The following DCT variants were observed in gnomAD, a reference collection of about 807,000 sequenced individuals.
DCT encodes the protein dopachrome tautomerase, also known as L-dopachrome tautomerase.
A neutral mutation model predicts 53.0 loss-of-function variants in DCT; 47 were observed. The observed-to-expected ratio is 0.89, with a 90% CI of 0.70 to 1.13. DCT has a LOEUF of 1.13. Among genes scored for constraint, DCT ranks in the 50% most tolerant of loss-of-function variants. The probability of loss-of-function intolerance (pLI) is 0.00; values close to 1 mark genes in which losing one functional copy is unlikely to be tolerated. For missense variants in DCT, 669 were observed against 637.4 expected, an observed-to-expected ratio of 1.05 and a Z score of -0.53; for synonymous variants, 244 against 237.0, an observed-to-expected ratio of 1.03 and a Z score of -0.27.
intron 6 of DCT, among the ~76,000 whole-genome samples, chr13:94,453,075 G>C (rs2139303552): frequency 6.6e-6 from 1 of 152,178 alleles, no homozygotes; most frequent in East Asian, 1.9e-4. Context: ...AATAAATTAA[G>C]TGATAATGGG....
At chr13:94,472,542 ATATATATATATATATATATATATATAT>A (rs1884748380) in intron 1 of DCT, among the ~76,000 whole-genome samples, 1 of 32,368 alleles carries the variant, frequency 3.1e-5, no homozygotes, top group African/African-American at 1.3e-4. Flanking sequence ...ATATATATAT[ATATATATATATATATATATATATATAT>A]TTTTTTTTTT....
the DCT span, among the ~76,000 whole-genome samples, chr13:94,527,329 A>G: frequency 6.6e-6 from 1 of 152,218 alleles, no homozygotes; most frequent in Admixed American, 6.5e-5. Flanking sequence ...TGCCTCCTCA[A>G]GTGGGTCCCT....
At chr13:94,448,837 G>C (rs1882897356) in intron 6 of DCT, among the ~76,000 whole-genome samples, 1 of 151,958 alleles carries the variant, frequency 6.6e-6, no homozygotes, top group East Asian at 1.9e-4. Flanking sequence ...TCGGGAGGTG[G>C]AGGCTGCAAT....
the DCT span, among the ~76,000 whole-genome samples, chr13:94,545,176 G>A: frequency 7.2e-5 from 11 of 152,098 alleles, no homozygotes; most frequent in Admixed American, 5.2e-4. Flanking sequence ...AGCACATCAC[G>A]CTTCAGATGA....
upstream of DCT, among the ~76,000 whole-genome samples, chr13:94,483,691 G>T (rs1226112781): frequency 6.6e-6 from 1 of 151,992 alleles, no homozygotes; most frequent in African/African-American, 2.4e-5. Context: ...CAGTAGAGAC[G>T]AAGTTTCACC....
the DCT span, among the ~76,000 whole-genome samples, chr13:94,535,374 T>C: frequency 1.3e-5 from 2 of 152,166 alleles, no homozygotes; most frequent in African/African-American, 2.4e-5. Flanking sequence ...GCATTATTGC[T>C]GTAAGTATCA....
rs529034525 is a variant in DCT, at chr13:94,478,937, C to T, written c.295+24G>A. ...CTTTCCCCAGCTCTGGCCCTCCCCA[C>T]CAAGCTTGGAGCATGGGCCTCACCT... is the stretch of plus-strand genomic sequence containing the variant. On this transcript the variant is annotated intron_variant, in intron 1 of 7. Transcript: ENST00000377028. The T allele has an allele frequency of 3.8e-6, 6 of 1,575,368 alleles. No individual in the cohort carries two copies. In the East Asian group the frequency reaches 6.8e-5, roughly 18 times the overall value.
the DCT span, among the ~76,000 whole-genome samples, chr13:94,514,904 C>A: frequency 1.3e-5 from 2 of 152,142 alleles, no homozygotes; most frequent in Non-Finnish European, 2.9e-5. Flanking sequence ...ATGTTTGTAC[C>A]CCCTACTTCT....
At chr13:94,496,312 G>T in the DCT span, among the ~76,000 whole-genome samples, 1 of 152,018 alleles carries the variant, frequency 6.6e-6, no homozygotes, top group Admixed American at 6.6e-5. Flanking sequence ...TCCTGCCTCA[G>T]CCTCCTAAAT....
chr13:94,468,609 T>C lies in DCT; in HGVS notation c.595+137A>G, dbSNP rs956333044. ...CTAACTCCAGGCGGTATTTGATAAT[T>C]CTACGACTTTCATAAACCTAAGGCT... On this transcript the variant is annotated intron_variant, in intron 2 of 7. Coordinates refer to ENST00000377028, the MANE Select transcript of DCT (RefSeq NM_001922.5). 3.2e-5 allele frequency: 25 copies of C among 775,516 alleles called. No individual in the cohort carries two copies. The African/African-American group carries it at 4.1e-4, about 13-fold the overall frequency. The allele number at this position is 775,516 out of a possible 1,614,324, so 48.0% of individuals were successfully genotyped here.
In DCT at chr13:94,468,740, A is replaced by AC; in HGVS notation, c.595+5dup. 1 of 1,609,960 alleles carries AC rather than the reference A, an allele frequency of 6.2e-7. No homozygotes were observed. The highest frequency in any genetic ancestry group is 8.5e-7 in the Non-Finnish European group (1 of 1,177,404). On this transcript the variant is annotated splice_donor_region_variant and intron_variant, in intron 2 of 7. Coordinates refer to ENST00000377028, the MANE Select transcript of DCT (RefSeq NM_001922.5). ...TAATATACCTTCAGCCAAGGAAAAA[A>AC]CCCACCTAATAATGTATCTCTAACA... is the stretch of plus-strand genomic sequence containing the variant.
chr13:94,525,682 A>C, the DCT span, among the ~76,000 whole-genome samples: 3 of 151,944 alleles, frequency 2.0e-5, no homozygotes, highest in African/African-American at 7.3e-5. Context: ...TACTGAAAAG[A>C]TTTTCTTTTA....
chr13:94,478,034 G>A (rs770973169), intron 1 of DCT, among the ~76,000 whole-genome samples: 1 of 152,106 alleles, frequency 6.6e-6, no homozygotes, highest in Non-Finnish European at 1.5e-5. Context: ...AGATGTCAAA[G>A]CAACAGGTAA....
At chr13:94,459,587 G>A (rs958891247) in intron 6 of DCT, among the ~76,000 whole-genome samples, 2 of 152,256 alleles carry the variant, frequency 1.3e-5, no homozygotes, top group Non-Finnish European at 2.9e-5. Flanking sequence ...GGACACCAAG[G>A]CCTGGTTGAT....
At position 94,437,317 on chromosome 13, in the gene DCT, A is replaced by T. The variant is rs1388244182; in HGVS notation, c.*2581T>A. 1 of 152,228 alleles carries T rather than the reference A, an allele frequency of 6.6e-6. No homozygotes were observed. The highest frequency in any genetic ancestry group is 6.5e-5 in the Admixed American group (1 of 15,278). 9.4% of individuals were successfully genotyped at this position (152,228 alleles called of 1,614,324 possible). A position where few individuals can be genotyped will look rare whatever the true frequency, so the allele number is the denominator to read the frequency against. The stretch of plus-strand genomic sequence containing the variant: ...AAAGACAAACAATAATCTGCAAAAC[A>T]ACATTTATTTTTAGTTTCCTTTTTA... On this transcript the variant is annotated 3_prime_UTR_variant, in exon 8 of 8. Transcript: ENST00000377028.
At position 94,451,774 on chromosome 13, in the gene DCT, T is replaced by C. The variant is rs184839387; in HGVS notation, c.1180-8137A>G. 2.3e-3 allele frequency among the ~76,000 whole-genome samples: 350 copies of C among 152,258 alleles called. 2 individuals are homozygous for C. The highest frequency in any genetic ancestry group is 3.4e-3 in the Middle Eastern group (1 of 294). ...GTGATCACATTCATTTTCCATAAACTAATAAAACCTACAAAATACATCTTT... is the reference window on the plus strand; with the variant it reads ...GTGATCACATTCATTTTCCATAAACCAATAAAACCTACAAAATACATCTTT... On this transcript the variant is annotated intron_variant, in intron 6 of 7. Transcript: ENST00000377028.
intron 1 of DCT, among the ~76,000 whole-genome samples, chr13:94,476,108 C>T (rs56720910): frequency 0.31 from 47,139 of 150,840 alleles, 7,510 homozygotes; most frequent in African/African-American, 0.34. Context: ...ATGGGACTTC[C>T]TTACAGCCTG....
At chr13:94,491,543 A>T in the DCT span, among the ~76,000 whole-genome samples, 19 of 152,048 alleles carry the variant, frequency 1.2e-4, no homozygotes, top group South Asian at 2.1e-4. Context: ...ACAATTCAAC[A>T]GATAACAGAT....
At chr13:94,445,629 GTGTT>G (rs1882666780) in intron 6 of DCT, 1 of 856,306 alleles carries the variant, frequency 1.2e-6, no homozygotes, top group South Asian at 1.5e-5. Context: ...AAGCCACTGA[GTGTT>G]TGGGTAATCG....
Sources: allele counts gnomAD v4.1 joint callset (sites outside exome capture counted in the v4.1 genomes callset), GRCh38; gene constraint gnomAD v4.1.1; transcripts MANE v1.5; gene names NCBI Gene and HGNC (gene_info 2026-07-23, HGNC 2026-07-21).